Variants in SNX14 observed in about 807,000 individuals in gnomAD.
SNX14 encodes sorting nexin-14.
Under a neutral mutation model 133.8 loss-of-function variants are expected in SNX14, and 93 were observed. The observed-to-expected ratio is 0.70, with a 90% CI of 0.59 to 0.83. The LOEUF (loss-of-function observed/expected upper bound fraction) is 0.83. Among genes scored for constraint, SNX14 ranks in the 40% least tolerant of loss-of-function variants. SNX14 has a pLI of 0.00. For missense variants in SNX14, 945 were observed against 1,094.9 expected (o/e 0.86, Z 1.93); for synonymous variants, 368 against 365.6 (o/e 1.01, Z -0.07).
rs762137704 is a variant in SNX14 at position 85,547,131 on chromosome 6, C to T, written c.1089G>A (p.Leu363=). ...FLKQEGAVHV[L]QFCLTVEEFN... ...CCTCACCCACAGTCAAACAAAACTG[C>T]AACACGTGCACTGCGCCTTCTTGTT... The change falls in exon 12 of 29, where the codon TTG becomes TTA. Residue 363 remains leucine, a synonymous_variant. Coordinates refer to ENST00000314673, the MANE Select transcript of SNX14 (RefSeq NM_153816.6). 6 of 1,613,324 alleles carry T rather than the reference C, an allele frequency of 3.7e-6. No individual in the cohort carries two copies. Among genetic ancestry groups the T allele is most frequent in the Non-Finnish European group, 5.1e-6 (6 of 1,179,752 alleles).
At chr6:85,564,814 C>A (rs2128164828) in intron 6 of SNX14, among the ~76,000 whole-genome samples, 1 of 151,846 alleles carries the variant, frequency 6.6e-6, no homozygotes, top group African/African-American at 2.4e-5. Context: ...ACGGTGAAAC[C>A]CTGTCTCTAC....
At chr6:85,590,974 T>G (rs1483856773) in intron 1 of SNX14, among the ~76,000 whole-genome samples, 1 of 152,228 alleles carries the variant, frequency 6.6e-6, no homozygotes, top group Non-Finnish European at 1.5e-5. Flanking sequence ...TTTTCTGTAA[T>G]GTCATTACTT....
chr6:85,590,440 C>A lies in SNX14; in HGVS notation c.140+3139G>T, dbSNP rs138087205. 1.2e-3 allele frequency among the ~76,000 whole-genome samples: 177 copies of A among 152,268 alleles called. 1 individual carries two copies. The highest frequency in any genetic ancestry group is 3.9e-3 in the African/African-American group (163 of 41,548). ...AGCCATTCTTTTATTCTTTTGCTTT[C>A]TTAATAAACTTGCTTTTACAAAAAA... On this transcript the variant is annotated intron_variant, in intron 1 of 28. Coordinates refer to ENST00000314673, the MANE Select transcript of SNX14 (RefSeq NM_153816.6).
intron 6 of SNX14, among the ~76,000 whole-genome samples, chr6:85,560,759 C>G (rs1289273320): frequency 6.6e-6 from 1 of 152,162 alleles, no homozygotes; most frequent in Non-Finnish European, 1.5e-5. Flanking sequence ...ATAGGCCTGG[C>G]ACAGTGGCTC....
At chr6:85,579,694 C>T (rs1477787396) in intron 1 of SNX14, among the ~76,000 whole-genome samples, 1 of 152,212 alleles carries the variant, frequency 6.6e-6, no homozygotes, top group Non-Finnish European at 1.5e-5. Context: ...AGGTCATTTA[C>T]ACATGTCCTG....
intron 7 of SNX14, among the ~76,000 whole-genome samples, chr6:85,550,903 C>A (rs1312889518): frequency 6.6e-6 from 1 of 152,034 alleles, no homozygotes; most frequent in Non-Finnish European, 1.5e-5. Flanking sequence ...GCCTCAGCCT[C>A]CCAAGTAGCT....
chr6:85,561,818 C>G (rs1562339405), intron 6 of SNX14, among the ~76,000 whole-genome samples: 1 of 149,062 alleles, frequency 6.7e-6, no homozygotes. Context: ...TTGCCTGTTT[C>G]TTTTTTGTTT....
intron 4 of SNX14, among the ~76,000 whole-genome samples, chr6:85,568,833 G>T (rs527515934): frequency 6.6e-6 from 1 of 152,170 alleles, no homozygotes; most frequent in South Asian, 2.1e-4. Flanking sequence ...ATATAAACAG[G>T]GATAACAATG....
intron 12 of SNX14, 148 bp from the exon 13 acceptor site, chr6:85,543,908 T>C: frequency 2.9e-6 from 1 of 350,080 alleles, no homozygotes; most frequent in Non-Finnish European, 4.9e-6. Flanking sequence ...TATTTGAGAA[T>C]AAAATAACTA....
intron 1 of SNX14, among the ~76,000 whole-genome samples, chr6:85,586,639 G>T (rs879305489): frequency 6.6e-6 from 1 of 151,962 alleles, no homozygotes; most frequent in Non-Finnish European, 1.5e-5. Flanking sequence ...GGAGTGTCGG[G>T]GCACAATCAT....
intron 12 of SNX14, among the ~76,000 whole-genome samples, chr6:85,544,954 CAT>C (rs1398873506): frequency 3.3e-5 from 5 of 152,144 alleles, no homozygotes; most frequent in Non-Finnish European, 5.9e-5. Context: ...GCATTCCACA[CAT>C]GTGTAGAAGC....
intron 19 of SNX14, among the ~76,000 whole-genome samples, chr6:85,528,850 A>G (rs1168055574): frequency 2.0e-5 from 3 of 152,162 alleles, no homozygotes; most frequent in Non-Finnish European, 4.4e-5. Context: ...TGAGGTCAGA[A>G]GTTCAAGACT....
chr6:85,519,669 G>C (rs979943687), intron 21 of SNX14, among the ~76,000 whole-genome samples: 1 of 152,190 alleles, frequency 6.6e-6, no homozygotes, highest in Non-Finnish European at 1.5e-5. Context: ...AGGAGTTCGA[G>C]ACCAGCCTGA....
intron 1 of SNX14, among the ~76,000 whole-genome samples, chr6:85,592,813 C>G (rs1040881693): frequency 2.7e-4 from 39 of 145,872 alleles, no homozygotes; most frequent in African/African-American, 9.9e-4. Context: ...AACGGTGAAA[C>G]CCCGTCTCTA....
At chr6:85,549,575 A>G (rs1181678440) in intron 8 of SNX14, 148 bp downstream of exon 8, 3 of 406,820 alleles carry the variant, frequency 7.4e-6, no homozygotes, top group African/African-American at 6.3e-5. Context: ...TTAATAAATT[A>G]TATATTAATA....
chr6:85,521,959 T>C (rs1777028070), intron 21 of SNX14, among the ~76,000 whole-genome samples: 1 of 152,242 alleles, frequency 6.6e-6, no homozygotes, highest in African/African-American at 2.4e-5. Context: ...CTTCTGCATA[T>C]GGATATCCAG....
At chr6:85,527,397 A>ATAT (rs145937319) in intron 20 of SNX14, among the ~76,000 whole-genome samples, 2 of 135,822 alleles carry the variant, frequency 1.5e-5, no homozygotes, top group African/African-American at 2.6e-5. Context: ...ATATATATAT[A>ATAT]TTTTTTTTTC....
chr6:85,514,001 T>G (rs1773887403), intron 25 of SNX14, 69 bp downstream of exon 25: 10 of 1,563,836 alleles, frequency 6.4e-6, no homozygotes, highest in Non-Finnish European at 8.6e-6. Context: ...CAAGATTTCT[T>G]CCTCTTTAGA....
Position 85,515,272 on chromosome 6 carries a change from A to AAC in SNX14, c.2269-644_2269-643insGT, listed in dbSNP as rs1370078049. Reference sequence around the variant, plus strand: ...ACAGAGCAAGACCGTCAAAAAAAAAAAAAAAAAAAAAAAAACACTAACATG... The same window carrying AAC: ...ACAGAGCAAGACCGTCAAAAAAAAAAACAAAAAAAAAAAAAAACACTAACATG... On this transcript the variant is annotated intron_variant, in intron 23 of 28. Coordinates refer to ENST00000314673, the MANE Select transcript of SNX14 (RefSeq NM_153816.6). Among the ~76,000 whole-genome samples the AAC allele has an allele frequency of 8.3e-4, 124 of 149,664 alleles. 1 individual carries two copies. The highest frequency in any genetic ancestry group is 1.8e-3 in the African/African-American group (71 of 40,352).
Sources: gnomAD v4.1 joint callset for allele counts (sites outside exome capture counted in the v4.1 genomes callset) on GRCh38, gnomAD v4.1.1 for gene constraint, MANE v1.5 for transcripts, NCBI Gene and HGNC (gene_info 2026-07-23, HGNC 2026-07-21) for gene names.